Variants in PLEKHM3 observed in about 807,000 individuals in gnomAD.
The protein encoded by PLEKHM3 is pleckstrin homology domain-containing family M member 3.
PLEKHM3 carries 45 observed loss-of-function variants against 81.8 expected under a neutral mutation model. The observed-to-expected ratio is 0.55, with a 90% CI of 0.43 to 0.71. The LOEUF (loss-of-function observed/expected upper bound fraction) is 0.71, where lower values mean the gene tolerates loss of function less well. PLEKHM3 is among the 30% of genes least tolerant of loss of function. The pLI is 0.00. For missense variants in PLEKHM3, 788 were observed against 924.3 expected (o/e 0.85, Z 1.91); for synonymous variants, 352 against 356.4 (o/e 0.99, Z 0.14).
At chr2:207,990,281 C>T (rs1198076649) in intron 2 of PLEKHM3, among the ~76,000 whole-genome samples, 1 of 152,156 alleles carries the variant, frequency 6.6e-6, no homozygotes, top group African/African-American at 2.4e-5. Flanking sequence ...CCTCCAAAGT[C>T]TCAGCTCACT....
chr2:207,923,851 G>GCA (rs1559238663), intron 5 of PLEKHM3, among the ~76,000 whole-genome samples: 12 of 36,794 alleles, frequency 3.3e-4, no homozygotes, highest in African/African-American at 5.8e-4. Context: ...ACATACACAC[G>GCA]CACGCACACA....
intron 6 of PLEKHM3, among the ~76,000 whole-genome samples, chr2:207,899,031 G>A (rs1688334538): frequency 6.6e-6 from 1 of 152,238 alleles, no homozygotes; most frequent in South Asian, 2.1e-4. Context: ...GCCTTCTAAT[G>A]TTTCCTCACA....
chr2:207,910,132 T>C (rs1392974713), intron 5 of PLEKHM3, among the ~76,000 whole-genome samples: 2 of 152,182 alleles, frequency 1.3e-5, no homozygotes, highest in Non-Finnish European at 2.9e-5. Flanking sequence ...GGAAACTGAA[T>C]GCAGTTCCTA....
At chr2:207,985,636 G>A (rs113173914) in intron 2 of PLEKHM3, among the ~76,000 whole-genome samples, 17 of 152,076 alleles carry the variant, frequency 1.1e-4, no homozygotes, top group African/African-American at 4.1e-4. Flanking sequence ...TATAATTATT[G>A]ACTATTAATG....
chr2:207,828,708 A>T (rs961930247), intron 7 of PLEKHM3, among the ~76,000 whole-genome samples: 27 of 152,148 alleles, frequency 1.8e-4, no homozygotes, highest in African/African-American at 6.3e-4. Flanking sequence ...TGCTTTTCTG[A>T]TCTGAACTAG....
At chr2:208,006,644 C>G (rs1692502725) in intron 1 of PLEKHM3, among the ~76,000 whole-genome samples, 1 of 152,188 alleles carries the variant, frequency 6.6e-6, no homozygotes, top group Non-Finnish European at 1.5e-5. Flanking sequence ...TGGACCTCAC[C>G]CATTCAACAA....
At chr2:207,971,098 A>G (rs1559262929) in intron 3 of PLEKHM3, among the ~76,000 whole-genome samples, 1 of 152,232 alleles carries the variant, frequency 6.6e-6, no homozygotes, top group Non-Finnish European at 1.5e-5. Context: ...TCCAGATTAC[A>G]AAACAGTCAT....
chr2:208,019,641 CT>C (rs1474234795), intron 1 of PLEKHM3: 6 of 152,186 alleles, frequency 3.9e-5, no homozygotes, highest in Non-Finnish European at 8.8e-5. Flanking sequence ...TTAACATTAT[CT>C]GAAAGAGCTC....
At chr2:207,938,730 AAGG>A (rs1175067879) in intron 4 of PLEKHM3, among the ~76,000 whole-genome samples, 3 of 152,204 alleles carry the variant, frequency 2.0e-5, no homozygotes, top group Non-Finnish European at 4.4e-5. Flanking sequence ...TGGTCTGACA[AAGG>A]AGATTTTCCT....
chr2:207,844,030 C>T (rs1193474505), intron 7 of PLEKHM3, among the ~76,000 whole-genome samples: 1 of 151,978 alleles, frequency 6.6e-6, no homozygotes, highest in Admixed American at 6.6e-5. Flanking sequence ...CTGCAGTGAG[C>T]CCTGATAGTG....
intron 4 of PLEKHM3, among the ~76,000 whole-genome samples, chr2:207,942,825 G>A (rs1354707793): frequency 6.6e-6 from 1 of 152,128 alleles, no homozygotes; most frequent in Non-Finnish European, 1.5e-5. Flanking sequence ...ACTTGAACCT[G>A]GGAGGCGGAG....
At chr2:207,907,692 T>C (rs1239776612) in intron 6 of PLEKHM3, among the ~76,000 whole-genome samples, 1 of 152,188 alleles carries the variant, frequency 6.6e-6, no homozygotes, top group African/African-American at 2.4e-5. Context: ...TTGGGAAAAT[T>C]CACACACCAT....
At chr2:207,903,156 C>G (rs1207053103) in intron 6 of PLEKHM3, among the ~76,000 whole-genome samples, 2 of 152,066 alleles carry the variant, frequency 1.3e-5, no homozygotes, top group Admixed American at 1.3e-4. Flanking sequence ...CAATACCATG[C>G]CATGTTTTCA....
chr2:208,016,668 A>ATACACACACACACACACACACACAC (rs11436592), intron 1 of PLEKHM3, among the ~76,000 whole-genome samples: 89 of 61,562 alleles, frequency 1.4e-3, no homozygotes, highest in African/African-American at 2.3e-3. Context: ...AAAAAAAAAA[A>ATACACACACACACACACACACACAC]ATACACACAC....
intron 7 of PLEKHM3, among the ~76,000 whole-genome samples, chr2:207,854,561 T>C (rs976322273): frequency 1.3e-5 from 2 of 152,356 alleles, no homozygotes; most frequent in East Asian, 3.9e-4. Context: ...AAATTTTCCT[T>C]TAATAAATTT....
At chr2:207,838,432 C>G (rs1462762635) in intron 7 of PLEKHM3, among the ~76,000 whole-genome samples, 1 of 152,216 alleles carries the variant, frequency 6.6e-6, no homozygotes, top group African/African-American at 2.4e-5. Flanking sequence ...AAAAGCTTTA[C>G]TTAAATCTTG....
intron 6 of PLEKHM3, among the ~76,000 whole-genome samples, chr2:207,890,243 C>T (rs1166946738): frequency 1.3e-5 from 2 of 152,162 alleles, no homozygotes; most frequent in Non-Finnish European, 2.9e-5. Context: ...GTTAATAAAA[C>T]AAAATAGAGT....
At chr2:207,918,884 T>G (rs939781149) in intron 5 of PLEKHM3, among the ~76,000 whole-genome samples, 5 of 152,012 alleles carry the variant, frequency 3.3e-5, no homozygotes, top group South Asian at 4.2e-4. Flanking sequence ...GCTGCATAGG[T>G]TGAACAAAGC....
chr2:207,983,297 C>T (rs1292388801), intron 2 of PLEKHM3, among the ~76,000 whole-genome samples: 3 of 150,340 alleles, frequency 2.0e-5, no homozygotes, highest in East Asian at 2.0e-4. Context: ...GTGATCCGCC[C>T]GCCTCGGCCT....
Sources: gnomAD v4.1 joint callset for allele counts (sites outside exome capture counted in the v4.1 genomes callset) on GRCh38, gnomAD v4.1.1 for gene constraint, MANE v1.5 for transcripts, NCBI Gene and HGNC (gene_info 2026-07-23, HGNC 2026-07-21) for gene names.